Variants in CCSAP observed in about 807,000 individuals in gnomAD.
The protein encoded by CCSAP is centriole, cilia and spindle associated protein.
A neutral mutation model predicts 25.9 loss-of-function variants in CCSAP; 17 were observed. The observed-to-expected ratio is 0.66, with a 90% confidence interval of 0.45 to 0.99. The LOEUF (loss-of-function observed/expected upper bound fraction) is 0.99. Among genes scored for constraint, CCSAP ranks in the 50% least tolerant of loss-of-function variants. The pLI is 0.00. For missense variants in CCSAP, 339 were observed against 367.8 expected, an observed-to-expected ratio of 0.92 and a Z score of 0.64; for synonymous variants, 169 against 157.1, an observed-to-expected ratio of 1.08 and a Z score of -0.57.
rs1004486800 is a variant in CCSAP, at chr1:229,325,405, C to G, written c.643G>C (p.Glu215Gln). ...CTGTTCTTGGCTCGTAATGCTGATTCATGAATCTAAAGAGAGTTCAAAATA... is the reference window on the plus strand; with the variant it reads ...CTGTTCTTGGCTCGTAATGCTGATTGATGAATCTAAAGAGAGTTCAAAATA... ...CASAPVHEIH[E>Q]SALRAKNRRQ... The change falls in exon 4 of 4, where the codon GAA becomes CAA. Residue 215 changes from glutamate to glutamine, a missense_variant. Coordinates refer to ENST00000284617, the MANE Select transcript of CCSAP (RefSeq NM_145257.5). 1.2e-6 allele frequency: 2 copies of G among 1,612,494 alleles called. No individual in the cohort carries two copies. Among genetic ancestry groups the G allele is most frequent in the South Asian group, 1.1e-5 (1 of 90,790 alleles).
chr1:229,325,539 A>G (rs1371108025), intron 3 of CCSAP, 128 bp from the exon 4 acceptor site: 1 of 719,000 alleles, frequency 1.4e-6, no homozygotes, highest in South Asian at 2.1e-5. Context: ...CTGCCTCTCT[A>G]TATAGTTCTT....
intron 2 of CCSAP, among the ~76,000 whole-genome samples, chr1:229,337,678 A>AAAAAAAAAAAAAAAAAAAAAAAAAAATAT: frequency 1.5e-5 from 1 of 65,548 alleles, no homozygotes; most frequent in African/African-American, 6.0e-5. Context: ...CTCAAAAAAA[A>AAAAAAAAAAAAAAAAAAAAAAAAAAATAT]ATATATATAT....
In CCSAP at chr1:229,323,105, A is replaced by G. The variant is rs759088024; in HGVS notation, c.*2130T>C. The G allele has an allele frequency of 6.6e-6, 1 of 152,190 alleles. No individual in the cohort carries two copies. The highest frequency in any genetic ancestry group is 1.5e-5 in the Non-Finnish European group (1 of 68,038). The allele number at this position is 152,190 out of a possible 1,614,324, so 9.4% of individuals were successfully genotyped here. A position where few individuals can be genotyped will look rare whatever the true frequency, so the allele number is the denominator to read the frequency against. On this transcript the variant is annotated 3_prime_UTR_variant, in exon 4 of 4. Coordinates refer to ENST00000284617, the MANE Select transcript of CCSAP (RefSeq NM_145257.5). ...GAAAAGAAACCCTAACCAACTAAGG[A>G]CTTGGATGTAAGATGAAGGCTTACA...
At chr1:229,340,267 T>C (rs779630722) in intron 2 of CCSAP, 140 of 629,816 alleles carry the variant, frequency 2.2e-4, no homozygotes, top group Non-Finnish European at 3.5e-4. Context: ...CAAAAGATGC[T>C]GCGATTGAGT....
chr1:229,337,678 AATAT>A (rs60399703), intron 2 of CCSAP, among the ~76,000 whole-genome samples: 16 of 65,462 alleles, frequency 2.4e-4, no homozygotes, highest in Non-Finnish European at 3.1e-4. Flanking sequence ...CTCAAAAAAA[AATAT>A]ATATATATAT....
chr1:229,325,533 C>T, intron 3 of CCSAP, 122 bp from the exon 4 acceptor site: 1 of 784,004 alleles, frequency 1.3e-6, no homozygotes, highest in South Asian at 1.9e-5. Flanking sequence ...CAAGCCCTGC[C>T]TCTCTATATA....
intron 2 of CCSAP, chr1:229,327,463 G>T: frequency 2.2e-6 from 1 of 454,238 alleles, no homozygotes; most frequent in Non-Finnish European, 4.4e-6. Flanking sequence ...GTCCTTCCGT[G>T]CTCCTCCTGA....
At chr1:229,340,306 TC>T (rs1658299992) in intron 2 of CCSAP, 1 of 678,764 alleles carries the variant, frequency 1.5e-6, no homozygotes, top group East Asian at 2.7e-5. Flanking sequence ...CCTTTCTTCT[TC>T]CTGATGCCTA....
intron 2 of CCSAP, among the ~76,000 whole-genome samples, chr1:229,332,015 G>T (rs940085042): frequency 9.2e-5 from 14 of 151,818 alleles, no homozygotes; most frequent in African/African-American, 3.1e-4. Context: ...GCTAATTTTT[G>T]TATTTTTAGT....
At chr1:229,340,279 C>A in intron 2 of CCSAP, 6 of 655,926 alleles carry the variant, frequency 9.1e-6, no homozygotes, top group Admixed American at 2.5e-5. Context: ...CGATTGAGTC[C>A]TGAAAGCAGA....
intron 2 of CCSAP, chr1:229,340,437 C>T (rs532976827): frequency 3.6e-5 from 26 of 716,410 alleles, no homozygotes; most frequent in East Asian, 2.4e-4. Flanking sequence ...CATATCACAA[C>T]GCTGCCTAAA....
intron 2 of CCSAP, among the ~76,000 whole-genome samples, chr1:229,340,003 G>A (rs1321037202): frequency 3.9e-5 from 6 of 152,166 alleles, no homozygotes; most frequent in Admixed American, 3.9e-4. Flanking sequence ...TGGAGATACA[G>A]AAATAAATAC....
chr1:229,331,624 TC>T (rs1176417182), intron 2 of CCSAP, among the ~76,000 whole-genome samples: 2 of 152,050 alleles, frequency 1.3e-5, no homozygotes, highest in East Asian at 3.9e-4. Context: ...TCTCCTGCTC[TC>T]CTTTCCCCTG....
At chr1:229,328,685 C>T (rs16849712) in intron 2 of CCSAP, among the ~76,000 whole-genome samples, 29,159 of 152,146 alleles carry the variant, frequency 0.19, 2,800 homozygotes, top group African/African-American at 0.21. Context: ...TTTGCCATTA[C>T]TTTCAGTTGT....
Position 229,342,076 on chromosome 1 carries a change from G to T in CCSAP, c.367+23C>A. On this transcript the variant is annotated intron_variant, in intron 2 of 3. Transcript: ENST00000284617. The surrounding 1 kb of genome is among the most constrained non-coding windows in gnomAD (Gnocchi z 7.5). The stretch of plus-strand genomic sequence containing the variant: ...AACCGTCCCTGCGTGCAGGCCCCTC[G>T]CGCTCCCCTCCGGGCCGGGTACCTG... 7.6e-7 allele frequency: 1 copy of T among 1,319,712 alleles called. No individual in the cohort carries two copies. The highest frequency in any genetic ancestry group is 9.6e-7 in the Non-Finnish European group (1 of 1,037,342). 81.8% of individuals were successfully genotyped at this position (1,319,712 alleles called of 1,614,324 possible). A position where few individuals can be genotyped will look rare whatever the true frequency, so the allele number is the denominator to read the frequency against.
intron 2 of CCSAP, among the ~76,000 whole-genome samples, chr1:229,333,327 G>GGAGGCA (rs1222750939): frequency 4.0e-5 from 6 of 151,832 alleles, no homozygotes; most frequent in African/African-American, 1.5e-4. Flanking sequence ...CAGCTACTCC[G>GGAGGCA]GAGGCAGAGG....
chr1:229,322,739 A>C lies in CCSAP; in HGVS notation c.*2496T>G, dbSNP rs1051004801. On this transcript the variant is annotated 3_prime_UTR_variant, in exon 4 of 4. Coordinates refer to ENST00000284617, the MANE Select transcript of CCSAP (RefSeq NM_145257.5). ...CTTAATGTCCAGCAGAGTGCTAGACAATATTGCTTCAATATTCTATTACTT... is the reference window on the plus strand; with the variant it reads ...CTTAATGTCCAGCAGAGTGCTAGACCATATTGCTTCAATATTCTATTACTT... 2.6e-5 allele frequency: 4 copies of C among 152,258 alleles called. No individual in the cohort carries two copies. Among genetic ancestry groups the C allele is most frequent in the African/African-American group, 9.6e-5 (4 of 41,466 alleles). 9.4% of individuals were successfully genotyped at this position (152,258 alleles called of 1,614,324 possible). A position where few individuals can be genotyped will look rare whatever the true frequency, so the allele number is the denominator to read the frequency against.
intron 2 of CCSAP, chr1:229,340,552 C>A: frequency 3.0e-6 from 2 of 667,122 alleles, no homozygotes; most frequent in South Asian, 3.5e-5. Flanking sequence ...CTCAATTTAG[C>A]TAGCAGATCA....
chr1:229,340,289 A>C, intron 2 of CCSAP: 1 of 669,820 alleles, frequency 1.5e-6, no homozygotes, highest in Non-Finnish European at 2.8e-6. Flanking sequence ...CTGAAAGCAG[A>C]AAACATCCTT....
Sources: gnomAD v4.1 joint callset for allele counts (sites outside exome capture counted in the v4.1 genomes callset) on GRCh38, gnomAD v4.1.1 for gene constraint, Gnocchi (gnomAD v3.1) non-coding constraint, MANE v1.5 for transcripts, NCBI Gene and HGNC (gene_info 2026-07-23, HGNC 2026-07-21) for gene names.